The following RAG1 variants were observed in gnomAD, a reference collection of about 807,000 sequenced individuals.
The protein encoded by RAG1 is recombination activating 1.
Under a neutral mutation model 62.7 loss-of-function variants are expected in RAG1, and 35 were observed. The ratio of observed to expected loss-of-function variants is 0.56; its 90% CI spans 0.43 to 0.74. The LOEUF (loss-of-function observed/expected upper bound fraction) is 0.74, where lower values mean the gene tolerates loss of function less well. Ranked by LOEUF, RAG1 falls within the 30% of genes least tolerant of loss-of-function variation. The probability of loss-of-function intolerance (pLI) is 0.00; values close to 1 mark genes in which losing one functional copy is unlikely to be tolerated. For synonymous variants in RAG1, 461 were observed against 470.3 expected (o/e 0.98, Z 0.26); for missense variants, 1,169 against 1,278.6 (o/e 0.91, Z 1.31).
upstream of RAG1, among the ~76,000 whole-genome samples, chr11:36,566,217 A>G (rs1408794710): frequency 6.6e-6 from 1 of 151,980 alleles, no homozygotes; most frequent in East Asian, 1.9e-4. Context: ...TAAATTATTG[A>G]CCTCAGAGAA....
At chr11:36,542,458 T>C (rs988841514) in intron 3 of RAG1, among the ~76,000 whole-genome samples, 3 of 152,080 alleles carry the variant, frequency 2.0e-5, no homozygotes, top group African/African-American at 2.4e-5. Context: ...AGAGGCTGAG[T>C]TGGGAAAGTT....
intron 3 of RAG1, among the ~76,000 whole-genome samples, chr11:36,561,443 ATTTG>A (rs1389769818): frequency 6.6e-6 from 1 of 151,986 alleles, no homozygotes; most frequent in African/African-American, 2.4e-5. Flanking sequence ...ATTACTCCAG[ATTTG>A]TTTATTAATT....
downstream of RAG1, among the ~76,000 whole-genome samples, chr11:36,538,067 C>A (rs1247117078): frequency 1.3e-5 from 2 of 152,064 alleles, no homozygotes; most frequent in Non-Finnish European, 2.9e-5. Context: ...TCAATGGAGG[C>A]AAGTCCTTAT....
rs757035017 is a variant in RAG1 at position 36,573,367 on chromosome 11, A to C, written c.63A>C (p.Pro21=). 4.3e-6 allele frequency: 7 copies of C among 1,614,150 alleles called. No homozygotes were observed. In the South Asian group the frequency reaches 7.7e-5, roughly 18 times the overall value. ...LSSAPDEIQH[P]HIKFSEWKFK... ...CTGCCCCAGATGAAATTCAGCACCC[A>C]CATATTAAATTTTCAGAATGGAAAT... is the stretch of plus-strand genomic sequence containing the variant. Residue 21 remains proline (P), a synonymous_variant, in exon 2 of 2, where the codon CCA becomes CCC. Transcript: ENST00000299440.
At chr11:36,519,469 G>A (rs1444165445) in intron 1 of RAG1, among the ~76,000 whole-genome samples, 1 of 152,140 alleles carries the variant, frequency 6.6e-6, no homozygotes, top group Non-Finnish European at 1.5e-5. Context: ...ATTAAAGAAT[G>A]TACAGTTTCC....
intron 3 of RAG1, among the ~76,000 whole-genome samples, chr11:36,545,729 G>T (rs1850383690): frequency 6.6e-6 from 1 of 152,076 alleles, no homozygotes; most frequent in Non-Finnish European, 1.5e-5. Flanking sequence ...AACAAACCAT[G>T]ATGCAATTAA....
chr11:36,540,580 G>T (rs961993914), downstream of RAG1, among the ~76,000 whole-genome samples: 3 of 151,792 alleles, frequency 2.0e-5, no homozygotes, highest in East Asian at 1.9e-4. Flanking sequence ...AATTTTTTTT[G>T]GATTTTTAGT....
chr11:36,531,656 C>T (rs1860258584), intron 2 of RAG1, among the ~76,000 whole-genome samples: 1 of 151,906 alleles, frequency 6.6e-6, no homozygotes, highest in African/African-American at 2.4e-5. Context: ...CGCCATCAAA[C>T]ATAATTTAGA....
chr11:36,575,725 C>G lies in RAG1; in HGVS notation c.2421C>G (p.Phe807Leu). ...GTGACATTGGCAATGCAGCTGAGTT[C>G]TACAAGATCTTCCAGCTAGAGATAG... ...LHCDIGNAAE[F>L]YKIFQLEIGE... Residue 807 changes from phenylalanine to leucine, a missense_variant, in exon 2 of 2, where the codon TTC (phenylalanine) becomes TTG (leucine). Physicochemically the swap from Phe to Leu is conservative, Grantham distance 22. Transcript: ENST00000299440. The surrounding 1 kb of genome is among the most constrained non-coding windows in gnomAD (Gnocchi z 4.1). 1 of 1,614,206 alleles carries G rather than the reference C, an allele frequency of 6.2e-7. No homozygotes were observed. Among genetic ancestry groups the G allele is most frequent in the South Asian group, 1.1e-5 (1 of 91,084 alleles).
Position 36,578,403 on chromosome 11 carries a change from A to T in RAG1, c.*1967A>T, listed in dbSNP as rs1850883785. On this transcript the variant is annotated 3_prime_UTR_variant, in exon 2 of 2. Transcript: ENST00000299440. ...TTGTTTTTTTGGAAATGAGTGGGCC[A>T]CTAAGCCACACTTTCCCTTCATCCT... is the stretch of plus-strand genomic sequence containing the variant. The T allele has an allele frequency of 6.0e-6, 1 of 166,320 alleles. No individual in the cohort carries two copies. Among genetic ancestry groups the T allele is most frequent in the Non-Finnish European group, 1.5e-5 (1 of 68,116 alleles). 10.3% of individuals were successfully genotyped at this position (166,320 alleles called of 1,614,324 possible). A position where few individuals can be genotyped will look rare whatever the true frequency, so the allele number is the denominator to read the frequency against.
At chr11:36,529,872 T>G (rs1257338904) in intron 2 of RAG1, among the ~76,000 whole-genome samples, 1 of 152,098 alleles carries the variant, frequency 6.6e-6, no homozygotes, top group African/African-American at 2.4e-5. Context: ...TCTCTTATTT[T>G]CCGGAAAAGA....
At chr11:36,558,060 T>C (rs968198612) in intron 3 of RAG1, among the ~76,000 whole-genome samples, 1 of 152,240 alleles carries the variant, frequency 6.6e-6, no homozygotes, top group Non-Finnish European at 1.5e-5. Context: ...TTTCTTTCAA[T>C]AACATTTTAA....
In RAG1 at chr11:36,524,663, A is replaced by AATTTTTGTAG. The variant is rs1188657010; in HGVS notation, n.428+4436_428+4445dup. On this transcript the variant is annotated intron_variant and non_coding_transcript_variant, in intron 2 of 2. Coordinates refer to the RAG1 transcript ENST00000529126. ...ACCACCACATCTGGCTATTTTTTGT[A>AATTTTTGTAG]ATTTTTGTAGAGACAGTGGGTCTCA... 2.0e-5 allele frequency among the ~76,000 whole-genome samples: 3 copies of AATTTTTGTAG among 151,870 alleles called. No individual in the cohort carries two copies. The East Asian group carries it at 5.8e-4, about 30-fold the overall frequency.
At chr11:36,514,470 T>C (rs1416913413) in intron 1 of RAG1, among the ~76,000 whole-genome samples, 1 of 152,198 alleles carries the variant, frequency 6.6e-6, no homozygotes, top group East Asian at 1.9e-4. Flanking sequence ...GGGATGGTTT[T>C]GGGTTGATTC....
At position 36,576,115 on chromosome 11, in the gene RAG1, T is replaced by C; in HGVS notation, c.2811T>C (p.Asn937=). ...ATAGGTATGAGGGAAAAATCACCAATTATTTTCACAAAACCCTGGCCCATG... is the reference window on the plus strand; with the variant it reads ...ATAGGTATGAGGGAAAAATCACCAACTATTTTCACAAAACCCTGGCCCATG... ...FKYRYEGKIT[N]YFHKTLAHVP... Residue 937 remains asparagine (N), a synonymous_variant, in exon 2 of 2, where the codon AAT becomes AAC. Coordinates refer to ENST00000299440, the MANE Select transcript of RAG1 (RefSeq NM_000448.3). 1 of 1,614,036 alleles carries C rather than the reference T, an allele frequency of 6.2e-7. No homozygotes were observed.
At chr11:36,562,932 G>A (rs376762629) in intron 3 of RAG1, among the ~76,000 whole-genome samples, 105 of 151,948 alleles carry the variant, frequency 6.9e-4, no homozygotes, top group African/African-American at 2.4e-3. Flanking sequence ...GTGATTTCTC[G>A]GGAGGCTTCT....
At chr11:36,570,636 C>T (rs773532378) in intron 1 of RAG1, among the ~76,000 whole-genome samples, 1 of 152,154 alleles carries the variant, frequency 6.6e-6, no homozygotes, top group African/African-American at 2.4e-5. Context: ...ACATTCCTAC[C>T]AACTGTGTAT....
intron 1 of RAG1, among the ~76,000 whole-genome samples, chr11:36,568,629 A>G (rs1850693716): frequency 6.6e-6 from 1 of 152,202 alleles, no homozygotes; most frequent in African/African-American, 2.4e-5. Flanking sequence ...CAATTTCTGG[A>G]TTCCTTCCCA....
chr11:36,567,479 A>C (rs1012735045), upstream of RAG1: 2 of 152,218 alleles, frequency 1.3e-5, no homozygotes, highest in African/African-American at 4.8e-5. Context: ...AGTAGTTACA[A>C]GGAGCATCAA....
Sources: allele counts gnomAD v4.1 joint callset (sites outside exome capture counted in the v4.1 genomes callset), GRCh38; gene constraint gnomAD v4.1.1; non-coding constraint Gnocchi (gnomAD v3.1); transcripts MANE v1.5; gene names NCBI Gene and HGNC (gene_info 2026-07-23, HGNC 2026-07-21).